The following SOCS6 variants were observed in gnomAD, a reference collection of about 807,000 sequenced individuals.
The protein encoded by SOCS6 is STAT induced STAT inhibitor-4.
SOCS6 carries 5 observed loss-of-function variants against 27.7 expected under a neutral mutation model. The observed-to-expected ratio is 0.18, with a 90% confidence interval of 0.09 to 0.38. SOCS6 has a LOEUF of 0.38. SOCS6 is among the 10% of genes least tolerant of loss of function. SOCS6 has a pLI of 1.00. For synonymous variants in SOCS6, 271 were observed against 260.0 expected (o/e 1.04, Z -0.41); for missense variants, 595 against 688.1 (o/e 0.86, Z 1.51).
chr18:70,326,308 G>A lies in SOCS6; in HGVS notation c.*32G>A, dbSNP rs774601583. ...GAGAACCCTGCATCTTGCACTTTGG[G>A]AATAAGAACAAGAGATTGAAATACA... On this transcript the variant is annotated 3_prime_UTR_variant, in exon 2 of 2. Coordinates refer to ENST00000397942, the MANE Select transcript of SOCS6 (RefSeq NM_004232.4). 1.3e-5 allele frequency: 20 copies of A among 1,536,730 alleles called. No individual in the cohort carries two copies. Among genetic ancestry groups the A allele is most frequent in the Non-Finnish European group, 1.7e-5 (19 of 1,132,056 alleles).
chr18:70,311,373 G>A (rs778943863), intron 1 of SOCS6, among the ~76,000 whole-genome samples: 1 of 152,194 alleles, frequency 6.6e-6, no homozygotes, highest in Non-Finnish European at 1.5e-5. Flanking sequence ...GTTTGGGAAG[G>A]CTTATGGGAG....
At chr18:70,307,524 C>T (rs4891842) in intron 1 of SOCS6, among the ~76,000 whole-genome samples, 44,581 of 152,120 alleles carry the variant, frequency 0.29, 7,655 homozygotes, top group East Asian at 0.73. Context: ...ATTCCTTACT[C>T]GTTATAGGTC....
intron 1 of SOCS6, among the ~76,000 whole-genome samples, chr18:70,300,437 C>A (rs1363716523): frequency 6.6e-6 from 1 of 152,106 alleles, no homozygotes; most frequent in Non-Finnish European, 1.5e-5. Context: ...CCTCATTAAT[C>A]AATTCTTATA....
Position 70,325,961 on chromosome 18 carries a change from T to C in SOCS6, c.1293T>C (p.Thr431=). 6.2e-7 allele frequency: 1 copy of C among 1,614,246 alleles called. No individual in the cohort carries two copies. Among genetic ancestry groups the C allele is most frequent in the Non-Finnish European group, 8.5e-7 (1 of 1,180,032 alleles). ...GCTCCCATGGTAAAACACTTCACAC[T>C]AGAATTGAGCACTCAAATGGTAGGT... The part of the protein sequence containing the change: ...SFRSHGKTLH[T]RIEHSNGRFS... Residue 431 remains threonine (T), a synonymous_variant, in exon 2 of 2, where the codon ACT becomes ACC. Coordinates refer to ENST00000397942, the MANE Select transcript of SOCS6 (RefSeq NM_004232.4). This position sits in a 1 kb window ranked among gnomAD's most constrained non-coding sequence, Gnocchi z 6.3.
At chr18:70,320,418 TAAATA>T (rs1910941202) in intron 1 of SOCS6, among the ~76,000 whole-genome samples, 1 of 152,192 alleles carries the variant, frequency 6.6e-6, no homozygotes, top group Admixed American at 6.5e-5. Context: ...AAAAGGTTAT[TAAATA>T]AAATATATTG....
intron 1 of SOCS6, among the ~76,000 whole-genome samples, chr18:70,293,046 C>G (rs2062306882): frequency 6.6e-6 from 1 of 152,128 alleles, no homozygotes; most frequent in East Asian, 1.9e-4. Context: ...GTTCCCCCGC[C>G]ACCCCCCCCA....
At chr18:70,322,082 A>G (rs1911014076) in intron 1 of SOCS6, among the ~76,000 whole-genome samples, 1 of 152,242 alleles carries the variant, frequency 6.6e-6, no homozygotes, top group South Asian at 2.1e-4. Flanking sequence ...TCCTTTACCC[A>G]TATGGATAAA....
chr18:70,294,753 G>A (rs948174333), intron 1 of SOCS6, among the ~76,000 whole-genome samples: 1 of 152,214 alleles, frequency 6.6e-6, no homozygotes, highest in Non-Finnish European at 1.5e-5. Context: ...GCCTGACCTG[G>A]CTGTGGGGTC....
At chr18:70,317,494 A>G in intron 1 of SOCS6, among the ~76,000 whole-genome samples, 2 of 125,888 alleles carry the variant, frequency 1.6e-5, no homozygotes, top group African/African-American at 4.2e-5. Flanking sequence ...ACATATATAC[A>G]CATATATACA....
Position 70,304,672 on chromosome 18 carries a change from A to C in SOCS6, c.-127+15582A>C, listed in dbSNP as rs563748323. 4.2e-4 allele frequency among the ~76,000 whole-genome samples: 64 copies of C among 152,350 alleles called. 1 individual carries two copies. In the South Asian group the frequency reaches 0.013, roughly 31 times the overall value. On this transcript the variant is annotated intron_variant, in intron 1 of 1. Coordinates refer to ENST00000397942, the MANE Select transcript of SOCS6 (RefSeq NM_004232.4). ...ATCTTGGTATCATCTCTTGTCAGTT[A>C]CGATACACAGATATTCTAGCCTGTG...
Position 70,329,648 on chromosome 18 carries a change from A to G in SOCS6, c.*3372A>G, listed in dbSNP as rs11551102. 4 of 167,112 alleles carry G rather than the reference A, an allele frequency of 2.4e-5. No homozygotes were observed. Among genetic ancestry groups the G allele is most frequent in the South Asian group, 2.1e-4 (1 of 4,836 alleles). The allele number at this position is 167,112 out of a possible 1,614,324, so 10.4% of individuals were successfully genotyped here. ...AATGAAATCACACTACCAGCAATAG[A>G]CAGTTTTCTTGAAAACTCTAATAAG... On this transcript the variant is annotated 3_prime_UTR_variant, in exon 2 of 2. Transcript: ENST00000397942.
chr18:70,321,486 A>ATTTTTTTTTTTTTT (rs765150837), intron 1 of SOCS6, among the ~76,000 whole-genome samples: 2 of 112,636 alleles, frequency 1.8e-5, no homozygotes, highest in African/African-American at 7.1e-5. Flanking sequence ...ATGCCTGGCT[A>ATTTTTTTTTTTTTT]TTTTTTTTTT....
chr18:70,326,193 C>T lies in SOCS6; in HGVS notation c.1525C>T (p.Arg509Cys), dbSNP rs1253523687. The T allele has an allele frequency of 6.2e-7, 1 of 1,613,908 alleles. No homozygotes were observed. Among genetic ancestry groups the T allele is most frequent in the Non-Finnish European group, 8.5e-7 (1 of 1,179,818 alleles). ...SLQYLCRFVI[R>C]QYTRIDLIQK... ...GCAGTACCTGTGTCGTTTTGTTATA[C>T]GTCAGTATACCAGAATAGACTTAAT... Residue 509 changes from arginine (R) to cysteine (C), a missense_variant, in exon 2 of 2, where the codon CGT becomes TGT. Around this residue, in one of 2 missense-constraint regions of SOCS6, gnomAD observed 128 missense variants for 207.0 expected, o/e 0.62. Coordinates refer to ENST00000397942, the MANE Select transcript of SOCS6 (RefSeq NM_004232.4).
intron 1 of SOCS6, among the ~76,000 whole-genome samples, chr18:70,290,737 C>T (rs1171259251): frequency 1.3e-5 from 2 of 152,212 alleles, no homozygotes; most frequent in Non-Finnish European, 2.9e-5. Context: ...AAGGGTCAGC[C>T]AGGTATTCAC....
At chr18:70,290,178 A>G (rs1470037794) in intron 1 of SOCS6, among the ~76,000 whole-genome samples, 1 of 152,234 alleles carries the variant, frequency 6.6e-6, no homozygotes, top group Non-Finnish European at 1.5e-5. Flanking sequence ...AATAACGTGA[A>G]TTACACACTG....
At chr18:70,298,405 A>T (rs755311231) in intron 1 of SOCS6, among the ~76,000 whole-genome samples, 11 of 152,176 alleles carry the variant, frequency 7.2e-5, no homozygotes, top group Admixed American at 6.5e-5. Flanking sequence ...TTAATTTGTC[A>T]TTGTCAGCTA....
Position 70,325,028 on chromosome 18 carries a change from G to T in SOCS6, c.360G>T (p.Arg120Ser). The change falls in exon 2 of 2, where the codon AGG becomes AGT. Residue 120 changes from arginine to serine, a missense_variant. Physicochemically the swap from Arg to Ser is moderately radical, Grantham distance 110. Around this residue, in one of 2 missense-constraint regions of SOCS6, gnomAD observed 467 missense variants for 481.1 expected, o/e 0.97. Coordinates refer to ENST00000397942, the MANE Select transcript of SOCS6 (RefSeq NM_004232.4). The surrounding 1 kb of genome is among the most constrained non-coding windows in gnomAD (Gnocchi z 6.3). ...TCTTTAAAGACGTGAGAGCTCAGAG[G>T]CCGATAAGGTCCACGTCGCTCCGCA... ...PIVFKDVRAQRPIRSTSLRSH... is the reference protein window; with the variant it reads ...PIVFKDVRAQSPIRSTSLRSH... 1.2e-6 allele frequency: 2 copies of T among 1,614,112 alleles called. No homozygotes were observed. Among genetic ancestry groups the T allele is most frequent in the Non-Finnish European group, 1.7e-6 (2 of 1,180,026 alleles).
At chr18:70,313,225 T>A (rs1183283536) in intron 1 of SOCS6, among the ~76,000 whole-genome samples, 2 of 152,254 alleles carry the variant, frequency 1.3e-5, no homozygotes, top group African/African-American at 2.4e-5. Flanking sequence ...TGATGTTTGT[T>A]TCTGTGCTTT....
intron 1 of SOCS6, among the ~76,000 whole-genome samples, chr18:70,294,055 C>A (rs928437135): frequency 6.6e-6 from 1 of 150,394 alleles, no homozygotes; most frequent in Non-Finnish European, 1.5e-5. Flanking sequence ...TGTGCCACTG[C>A]ACTCCAGCCT....
Sources: gnomAD v4.1 joint callset for allele counts (sites outside exome capture counted in the v4.1 genomes callset) on GRCh38, gnomAD v4.1.1 for gene constraint, gnomAD v4.1.1 regional missense constraint, Gnocchi (gnomAD v3.1) non-coding constraint, MANE v1.5 for transcripts, NCBI Gene and HGNC (gene_info 2026-07-23, HGNC 2026-07-21) for gene names.